ARHGEF10L: variants seen among roughly 807,000 people sequenced by gnomAD.
ARHGEF10L encodes the protein Rho guanine nucleotide exchange factor 10 like, also known as rho guanine nucleotide exchange factor 10-like protein.
A neutral mutation model predicts 141.2 loss-of-function variants in ARHGEF10L; 69 were observed. The ratio of observed to expected loss-of-function variants is 0.49; its 90% CI spans 0.40 to 0.60. ARHGEF10L has a LOEUF of 0.60. ARHGEF10L is among the 20% of genes least tolerant of loss of function. ARHGEF10L has a pLI of 0.00. For synonymous variants in ARHGEF10L, 711 were observed against 718.5 expected (o/e 0.99, Z 0.17); for missense variants, 1,482 against 1,734.3 (o/e 0.85, Z 2.58).
intron 25 of ARHGEF10L, among the ~76,000 whole-genome samples, chr1:17,663,119 G>T (rs2062734167): frequency 6.6e-6 from 1 of 152,170 alleles, no homozygotes; most frequent in Admixed American, 6.5e-5. Context: ...AACAATCTTG[G>T]CGCGCGCCGC....
intron 2 of ARHGEF10L, among the ~76,000 whole-genome samples, chr1:17,582,856 T>C (rs1305738922): frequency 2.0e-5 from 3 of 151,740 alleles, no homozygotes; most frequent in Non-Finnish European, 4.4e-5. Context: ...TACCTTTCCT[T>C]CCCCCTCCCT....
At chr1:17,578,046 CA>C (rs1267217804) in intron 1 of ARHGEF10L, among the ~76,000 whole-genome samples, 1 of 152,192 alleles carries the variant, frequency 6.6e-6, no homozygotes, top group Non-Finnish European at 1.5e-5. Context: ...GGTAGAGTAG[CA>C]GCCTCTTTCT....
chr1:17,547,621 G>A (rs561035904), intron 1 of ARHGEF10L, among the ~76,000 whole-genome samples: 4 of 152,232 alleles, frequency 2.6e-5, no homozygotes, highest in Admixed American at 1.3e-4. Context: ...AATTAAGTAG[G>A]AAAATAACAG....
intron 25 of ARHGEF10L, among the ~76,000 whole-genome samples, chr1:17,658,415 A>G (rs1202230568): frequency 6.6e-6 from 1 of 151,550 alleles, no homozygotes; most frequent in Admixed American, 6.6e-5. Context: ...GGACCATTGA[A>G]CCCCACGCCC....
intron 9 of ARHGEF10L, among the ~76,000 whole-genome samples, chr1:17,617,065 C>T (rs529530876): frequency 6.6e-6 from 1 of 152,244 alleles, no homozygotes; most frequent in African/African-American, 2.4e-5. Flanking sequence ...GCTGAGGACA[C>T]ACAGGCCTGG....
intron 4 of ARHGEF10L, among the ~76,000 whole-genome samples, chr1:17,601,173 A>T (rs754653517): frequency 6.6e-6 from 1 of 152,030 alleles, no homozygotes; most frequent in Non-Finnish European, 1.5e-5. Flanking sequence ...CTTCTCTGTG[A>T]TTAGACTGGG....
At chr1:17,541,475 T>C (rs987475388) in intron 1 of ARHGEF10L, among the ~76,000 whole-genome samples, 1 of 152,230 alleles carries the variant, frequency 6.6e-6, no homozygotes, top group African/African-American at 2.4e-5. Context: ...AAGTTTTAAC[T>C]CTGGAGTAGT....
At chr1:17,546,303 C>T (rs1283980888) in intron 1 of ARHGEF10L, among the ~76,000 whole-genome samples, 2 of 152,148 alleles carry the variant, frequency 1.3e-5, no homozygotes, top group Non-Finnish European at 2.9e-5. Context: ...CTGTTCTCCC[C>T]CCATTGCTAA....
chr1:17,550,125 T>C (rs1377025843), intron 1 of ARHGEF10L, among the ~76,000 whole-genome samples: 2 of 151,962 alleles, frequency 1.3e-5, no homozygotes, highest in Non-Finnish European at 1.5e-5. Flanking sequence ...AAGTCTGGGG[T>C]TTGGGTTATA....
At chr1:17,543,693 G>C (rs1188131245) in intron 1 of ARHGEF10L, among the ~76,000 whole-genome samples, 1 of 152,012 alleles carries the variant, frequency 6.6e-6, no homozygotes, top group East Asian at 1.9e-4. Flanking sequence ...TTTTGCCCAG[G>C]CTGGAGTGAA....
At chr1:17,593,805 C>T (rs1202841534) in intron 4 of ARHGEF10L, among the ~76,000 whole-genome samples, 3 of 152,016 alleles carry the variant, frequency 2.0e-5, no homozygotes, top group Admixed American at 1.3e-4. Context: ...GAAACTAACA[C>T]GACAGCCCTG....
chr1:17,683,663 C>T (rs1175533436), intron 26 of ARHGEF10L, among the ~76,000 whole-genome samples: 2 of 152,196 alleles, frequency 1.3e-5, no homozygotes. Context: ...CTGTGCTGTT[C>T]TCCCTATTCA....
At chr1:17,532,007 C>G in the ARHGEF10L span, among the ~76,000 whole-genome samples, 1 of 152,124 alleles carries the variant, frequency 6.6e-6, no homozygotes, top group African/African-American at 2.4e-5. Context: ...CACCCCCCAC[C>G]ACCACCCACC....
chr1:17,601,303 G>C (rs76359484), intron 4 of ARHGEF10L, among the ~76,000 whole-genome samples: 15,628 of 152,142 alleles, frequency 0.1, 949 homozygotes, highest in Non-Finnish European at 0.13. Context: ...CTTGGTTCGG[G>C]ACGTGTCTGC....
At chr1:17,632,617 C>T in intron 16 of ARHGEF10L, 151 bp downstream of exon 16, 1 of 1,072,934 alleles carries the variant, frequency 9.3e-7, no homozygotes. Flanking sequence ...TCTTGCCCTG[C>T]TCTGCCACTG....
intron 6 of ARHGEF10L, among the ~76,000 whole-genome samples, chr1:17,606,336 C>G (rs1161647867): frequency 1.3e-5 from 2 of 151,976 alleles, no homozygotes; most frequent in Middle Eastern, 3.4e-3. Context: ...CTCTGTCACC[C>G]AGGCTGGAGT....
chr1:17,569,249 G>C (rs2257142), intron 1 of ARHGEF10L, among the ~76,000 whole-genome samples: 1 of 151,986 alleles, frequency 6.6e-6, no homozygotes, highest in African/African-American at 2.4e-5. Context: ...GCCAACTCCC[G>C]CCAGAGGTGC....
chr1:17,631,026 T>C lies in ARHGEF10L; in HGVS notation c.1585-1295T>C, dbSNP rs1363623609. 3.5e-5 allele frequency among the ~76,000 whole-genome samples: 5 copies of C among 142,196 alleles called. No individual in the cohort carries two copies. In the East Asian group the frequency reaches 8.4e-4, roughly 24 times the overall value. 93.3% of individuals were successfully genotyped at this position (142,196 alleles called of 152,430 possible). On this transcript the variant is annotated intron_variant, in intron 15 of 28. Transcript: ENST00000361221. ...CTGTCCTGGGGATGCCCGGGGGTGA[T>C]CTATCTTTTTCTCTCTGGGGAGGCT...
chr1:17,650,975 C>T lies in ARHGEF10L; in HGVS notation c.2394+2300C>T, dbSNP rs547519228. Among the ~76,000 whole-genome samples, 16 of 152,228 alleles carry T rather than the reference C, an allele frequency of 1.1e-4. No individual in the cohort carries two copies. In the East Asian group the frequency reaches 2.7e-3, roughly 26 times the overall value. On this transcript the variant is annotated intron_variant, in intron 22 of 28. Transcript: ENST00000361221. The stretch of plus-strand genomic sequence containing the variant: ...AGCAAATTTTTCCTTGTGGTTTGGC[C>T]GCTCTTTTTGTCTCTTGATACATAA...
Sources: gnomAD v4.1 joint callset for allele counts (sites outside exome capture counted in the v4.1 genomes callset) on GRCh38, gnomAD v4.1.1 for gene constraint, MANE v1.5 for transcripts, NCBI Gene and HGNC (gene_info 2026-07-23, HGNC 2026-07-21) for gene names.